The following MLLT3 variants were observed in gnomAD, a reference collection of about 807,000 sequenced individuals.
The protein encoded by MLLT3 is protein AF-9.
In MLLT3, 4 loss-of-function variants were observed where a neutral mutation model predicts 53.2. The ratio of observed to expected loss-of-function variants is 0.08; its 90% CI spans 0.04 to 0.17. The LOEUF is 0.17. MLLT3 is among the 10% of genes least tolerant of loss of function. The probability of loss-of-function intolerance (pLI) is 1.00; values close to 1 mark genes in which losing one functional copy is unlikely to be tolerated. For synonymous variants in MLLT3, 283 were observed against 230.6 expected (o/e 1.23, Z -2.06); for missense variants, 569 against 684.0 (o/e 0.83, Z 1.87).
intron 2 of MLLT3, among the ~76,000 whole-genome samples, chr9:20,485,358 T>C (rs992452668): frequency 1.3e-5 from 2 of 152,234 alleles, no homozygotes; most frequent in African/African-American, 4.8e-5. Context: ...TTATTTTACA[T>C]GTAAAATATC....
chr9:20,590,916 T>G, intron 2 of MLLT3, among the ~76,000 whole-genome samples: 1 of 152,018 alleles, frequency 6.6e-6, no homozygotes. Context: ...ATTTTTTTTT[T>G]TTTATTATTT....
At chr9:20,467,949 A>G (rs1824276652) in intron 2 of MLLT3, among the ~76,000 whole-genome samples, 1 of 152,216 alleles carries the variant, frequency 6.6e-6, no homozygotes, top group Non-Finnish European at 1.5e-5. Context: ...CATTTTGCGG[A>G]AGAGGCAGGT....
intron 2 of MLLT3, among the ~76,000 whole-genome samples, chr9:20,569,211 CT>C (rs1819461525): frequency 1.3e-5 from 2 of 152,276 alleles, no homozygotes; most frequent in East Asian, 3.9e-4. Flanking sequence ...AGAATGCTTA[CT>C]TATGTGCCTC....
Position 20,448,057 on chromosome 9 carries a change from T to G in MLLT3, c.420+66A>C. The G allele has an allele frequency of 1.3e-6, 2 of 1,531,094 alleles. No homozygotes were observed. Among genetic ancestry groups the G allele is most frequent in the Non-Finnish European group, 1.8e-6 (2 of 1,136,070 alleles). 94.8% of individuals were successfully genotyped at this position (1,531,094 alleles called of 1,614,324 possible). On this transcript the variant is annotated intron_variant, in intron 4 of 10. Coordinates refer to ENST00000380338, the MANE Select transcript of MLLT3 (RefSeq NM_004529.4). The surrounding 1 kb of genome is among the most constrained non-coding windows in gnomAD (Gnocchi z 4.0). ...TTTTAACACATGAGGAACTAGTTTG[T>G]TTGTTTTTTTTTTTGTTGTTGTTGT...
chr9:20,442,717 G>C (rs1052395832), intron 4 of MLLT3, among the ~76,000 whole-genome samples: 2 of 152,124 alleles, frequency 1.3e-5, no homozygotes, highest in African/African-American at 4.8e-5. Context: ...CCCCTCGCTG[G>C]AGGTCCACTG....
At chr9:20,586,170 A>ATTAGGG in intron 2 of MLLT3, among the ~76,000 whole-genome samples, 1 of 152,168 alleles carries the variant, frequency 6.6e-6, no homozygotes, top group East Asian at 1.9e-4. Context: ...AATGTTTTAA[A>ATTAGGG]TTAGCCAGGT....
In MLLT3 at chr9:20,621,930, CGT is replaced by C. The variant is rs1366774727; in HGVS notation, c.12+313_12+314del. On this transcript the variant is annotated intron_variant, in intron 1 of 10. Transcript: ENST00000380338. The surrounding 1 kb of genome is among the most constrained non-coding windows in gnomAD (Gnocchi z 7.0). ...GTGTGTGTGTGTGTGTGAGTGCGCG[CGT>C]GTGAGCGAGAGGGAGTGTGTGAGTG... 2.2e-6 allele frequency: 3 copies of C among 1,379,518 alleles called. No homozygotes were observed. Among genetic ancestry groups the C allele is most frequent in the Non-Finnish European group, 1.9e-6 (2 of 1,072,378 alleles). The allele number at this position is 1,379,518 out of a possible 1,614,324, so 85.5% of individuals were successfully genotyped here.
chr9:20,590,834 C>G (rs1034933780), intron 2 of MLLT3, among the ~76,000 whole-genome samples: 12 of 152,216 alleles, frequency 7.9e-5, no homozygotes, highest in Non-Finnish European at 1.5e-4. Flanking sequence ...TTCCTGGGCT[C>G]AAGCAATCCT....
intron 4 of MLLT3, among the ~76,000 whole-genome samples, chr9:20,432,503 G>A (rs1407394246): frequency 1.3e-5 from 2 of 151,962 alleles, no homozygotes; most frequent in Admixed American, 6.6e-5. Context: ...CTAACAAACC[G>A]TAGGGCAGAA....
chr9:20,437,733 G>C (rs1823441871), intron 4 of MLLT3, among the ~76,000 whole-genome samples: 1 of 152,140 alleles, frequency 6.6e-6, no homozygotes, highest in Non-Finnish European at 1.5e-5. Flanking sequence ...TGCTGATCTA[G>C]AATATTCCTG....
At chr9:20,351,383 C>T (rs1384055318) in intron 10 of MLLT3, among the ~76,000 whole-genome samples, 5 of 152,230 alleles carry the variant, frequency 3.3e-5, no homozygotes, top group African/African-American at 9.6e-5. Flanking sequence ...TGTTCAATCT[C>T]ACTTTCCAAA....
At chr9:20,419,182 T>C (rs886288246) in intron 4 of MLLT3, among the ~76,000 whole-genome samples, 2 of 152,092 alleles carry the variant, frequency 1.3e-5, no homozygotes, top group South Asian at 4.1e-4. Context: ...AAAAAATAAC[T>C]TCTGGAAAAA....
intron 4 of MLLT3, among the ~76,000 whole-genome samples, chr9:20,434,516 G>C (rs1006738338): frequency 6.6e-6 from 1 of 152,056 alleles, no homozygotes; most frequent in African/African-American, 2.4e-5. Flanking sequence ...TCTTCAAGGG[G>C]CCTTCAGTCT....
At chr9:20,438,150 C>CT (rs1823451488) in intron 4 of MLLT3, among the ~76,000 whole-genome samples, 5 of 152,206 alleles carry the variant, frequency 3.3e-5, no homozygotes, top group African/African-American at 1.2e-4. Context: ...CCAGAACACT[C>CT]TGATAACAAA....
chr9:20,480,950 T>A (rs1000114868), intron 2 of MLLT3, among the ~76,000 whole-genome samples: 3 of 152,212 alleles, frequency 2.0e-5, no homozygotes, highest in Non-Finnish European at 4.4e-5. Context: ...ATAAATAAAT[T>A]GTCATGAGAA....
At chr9:20,371,484 T>A (rs1821600519) in intron 5 of MLLT3, among the ~76,000 whole-genome samples, 1 of 152,220 alleles carries the variant, frequency 6.6e-6, no homozygotes, top group South Asian at 2.1e-4. Context: ...CATTTAGTAT[T>A]CTGAAAATAT....
chr9:20,361,646 T>A (rs1003182754), intron 7 of MLLT3, among the ~76,000 whole-genome samples: 5 of 152,164 alleles, frequency 3.3e-5, no homozygotes, highest in African/African-American at 9.7e-5. Flanking sequence ...ATTAAAGAAC[T>A]AAAGACAATC....
At chr9:20,354,680 AT>A in intron 9 of MLLT3, 127 bp downstream of exon 9, 1 of 661,536 alleles carries the variant, frequency 1.5e-6, no homozygotes, top group Non-Finnish European at 2.7e-6. Context: ...AATACTCATC[AT>A]TTGGGCATCT....
At chr9:20,573,368 A>G (rs948689890) in intron 2 of MLLT3, among the ~76,000 whole-genome samples, 5 of 152,006 alleles carry the variant, frequency 3.3e-5, no homozygotes, top group African/African-American at 9.7e-5. Flanking sequence ...TTTCATAAAG[A>G]TGGGTTTCAC....
Sources: gnomAD v4.1 joint callset for allele counts (sites outside exome capture counted in the v4.1 genomes callset) on GRCh38, gnomAD v4.1.1 for gene constraint, Gnocchi (gnomAD v3.1) non-coding constraint, MANE v1.5 for transcripts, NCBI Gene and HGNC (gene_info 2026-07-23, HGNC 2026-07-21) for gene names.